Variants in TNFRSF19 observed in about 807,000 individuals in gnomAD.
TNFRSF19 encodes tumor necrosis factor receptor superfamily member 19.
Under a neutral mutation model 46.4 loss-of-function variants are expected in TNFRSF19, and 27 were observed. The observed-to-expected ratio is 0.58, with a 90% confidence interval of 0.43 to 0.80. TNFRSF19 has a LOEUF of 0.80. Among genes scored for constraint, TNFRSF19 ranks in the 30% least tolerant of loss-of-function variants. The probability of loss-of-function intolerance (pLI) is 0.00; values close to 1 mark genes in which losing one functional copy is unlikely to be tolerated. For synonymous variants in TNFRSF19, 204 were observed against 205.0 expected (o/e 1.00, Z 0.04); for missense variants, 511 against 530.8 (o/e 0.96, Z 0.37).
At chr13:23,647,006 C>A (rs1883370332) in intron 5 of TNFRSF19, among the ~76,000 whole-genome samples, 1 of 152,172 alleles carries the variant, frequency 6.6e-6, no homozygotes, top group South Asian at 2.1e-4. Context: ...GGTATCTCAT[C>A]ATGTCTGGAT....
At chr13:23,574,481 T>C (rs1877834101) in intron 1 of TNFRSF19, among the ~76,000 whole-genome samples, 1 of 152,034 alleles carries the variant, frequency 6.6e-6, no homozygotes, top group Non-Finnish European at 1.5e-5. Context: ...TTTCCTTTTA[T>C]ATATTTTGTA....
Position 23,580,604 on chromosome 13 carries a change from G to C in TNFRSF19, c.-34-9546G>C, listed in dbSNP as rs13378836. On this transcript the variant is annotated intron_variant, in intron 1 of 9. Coordinates refer to ENST00000248484, the MANE Select transcript of TNFRSF19 (RefSeq NM_148957.4). Reference sequence around the variant, plus strand: ...GCGTTTTTGCCAACACTGCTTTCATGTAGTCTTAAAAATTCCAGGCAGTGC... The same window carrying C: ...GCGTTTTTGCCAACACTGCTTTCATCTAGTCTTAAAAATTCCAGGCAGTGC... Among the ~76,000 whole-genome samples the C allele has an allele frequency of 7.4e-3, 1,134 of 152,348 alleles. 20 individuals carry two copies. Among genetic ancestry groups the C allele is most frequent in the African/African-American group, 0.025 (1,054 of 41,588 alleles).
At chr13:23,667,488 T>G (rs1378709522) in intron 7 of TNFRSF19, among the ~76,000 whole-genome samples, 1 of 152,248 alleles carries the variant, frequency 6.6e-6, no homozygotes, top group Admixed American at 6.5e-5. Flanking sequence ...CTGTCCTCAG[T>G]GGGGCCAAGA....
chr13:23,619,976 TTTATTC>T (rs1407535955), intron 4 of TNFRSF19, among the ~76,000 whole-genome samples: 1 of 152,342 alleles, frequency 6.6e-6, no homozygotes, highest in Admixed American at 6.5e-5. Context: ...ACAGTGTTTG[TTTATTC>T]TTTAGGTAAA....
chr13:23,625,323 A>ATT (rs1566193821), intron 4 of TNFRSF19, among the ~76,000 whole-genome samples: 2 of 97,170 alleles, frequency 2.1e-5, no homozygotes, highest in East Asian at 2.9e-4. Context: ...CTGTGATTGT[A>ATT]TTCTTTTTTT....
intron 1 of TNFRSF19, among the ~76,000 whole-genome samples, chr13:23,574,061 CAA>C (rs67057644): frequency 4.2e-5 from 4 of 95,386 alleles, no homozygotes; most frequent in African/African-American, 4.1e-5. Flanking sequence ...GACTCTGTCT[CAA>C]AAAAAAAAAA....
intron 7 of TNFRSF19, among the ~76,000 whole-genome samples, chr13:23,666,607 A>G (rs1951637637): frequency 6.6e-6 from 1 of 152,216 alleles, no homozygotes; most frequent in Non-Finnish European, 1.5e-5. Context: ...CTGCCACCAA[A>G]AGAAGTCCCA....
intron 5 of TNFRSF19, among the ~76,000 whole-genome samples, chr13:23,655,768 G>T (rs1883946347): frequency 6.8e-6 from 1 of 147,114 alleles, no homozygotes; most frequent in African/African-American, 2.6e-5. Context: ...GTTTTGTTTT[G>T]TTTTTGTTTT....
chr13:23,588,544 A>G (rs1030183465), intron 1 of TNFRSF19, among the ~76,000 whole-genome samples: 14 of 152,116 alleles, frequency 9.2e-5, no homozygotes, highest in African/African-American at 2.7e-4. Context: ...TCTTTGTCTC[A>G]TATTTTGTGT....
At chr13:23,650,681 C>G (rs1054734685) in intron 5 of TNFRSF19, among the ~76,000 whole-genome samples, 2 of 152,118 alleles carry the variant, frequency 1.3e-5, no homozygotes, top group Non-Finnish European at 2.9e-5. Context: ...GGTGGCATAA[C>G]ATTGTGAATG....
chr13:23,660,460 C>G lies in TNFRSF19; in HGVS notation c.706C>G (p.Gln236Glu). Residue 236 changes from glutamine (Q) to glutamate (E), a missense_variant, in exon 7 of 10, where the codon CAG (glutamine) becomes GAG (glutamate). Physicochemically the swap from Gln to Glu is conservative, Grantham distance 29. Transcript: ENST00000248484. ...CGAATATGCCCACAGAGCCTGCTGC[C>G]AGTGCCGCCGTGACTCAGTGCAGAC... ...LHEYAHRACC[Q>E]CRRDSVQTCG... The G allele has an allele frequency of 3.1e-6, 5 of 1,613,580 alleles. No individual in the cohort carries two copies. Among genetic ancestry groups the G allele is most frequent in the Non-Finnish European group, 4.2e-6 (5 of 1,180,010 alleles).
At chr13:23,579,081 G>C (rs1878175169) in intron 1 of TNFRSF19, among the ~76,000 whole-genome samples, 1 of 152,208 alleles carries the variant, frequency 6.6e-6, no homozygotes, top group Non-Finnish European at 1.5e-5. Flanking sequence ...CTCCCTCTCT[G>C]CTCTGAAGGA....
intron 1 of TNFRSF19, among the ~76,000 whole-genome samples, chr13:23,585,857 C>G (rs1379590282): frequency 6.6e-6 from 1 of 152,158 alleles, no homozygotes; most frequent in Admixed American, 6.5e-5. Context: ...ATCATTAGCT[C>G]TAGCTCATAT....
intron 3 of TNFRSF19, among the ~76,000 whole-genome samples, chr13:23,599,406 G>A (rs939561214): frequency 3.3e-5 from 5 of 152,162 alleles, no homozygotes; most frequent in African/African-American, 1.2e-4. Flanking sequence ...CAGCCCTCGA[G>A]AGATCCTGAC....
At position 23,643,294 on chromosome 13, in the gene TNFRSF19, T is replaced by C. The variant is rs192119306; in HGVS notation, c.446-15756T>C. Among the ~76,000 whole-genome samples the C allele has an allele frequency of 8.5e-5, 13 of 152,342 alleles. No individual in the cohort carries two copies. The East Asian group carries it at 1.3e-3, about 16-fold the overall frequency. Reference sequence around the variant, plus strand: ...CTTCTGTTTTATAAATTCAGCAACATGTTTTGATGAAAGCTCTTGTGAATG... The same window carrying C: ...CTTCTGTTTTATAAATTCAGCAACACGTTTTGATGAAAGCTCTTGTGAATG... On this transcript the variant is annotated intron_variant, in intron 5 of 9. Transcript: ENST00000248484.
chr13:23,588,926 C>T (rs1032760838), intron 1 of TNFRSF19, among the ~76,000 whole-genome samples: 4 of 152,232 alleles, frequency 2.6e-5, no homozygotes, highest in African/African-American at 9.6e-5. Context: ...AGGCAGTGGA[C>T]GTGGTTCATC....
At chr13:23,596,141 A>G (rs534740116) in intron 3 of TNFRSF19, among the ~76,000 whole-genome samples, 1 of 152,386 alleles carries the variant, frequency 6.6e-6, no homozygotes, top group African/African-American at 2.4e-5. Context: ...AACTGGTACC[A>G]GGCACTACAA....
chr13:23,664,822 G>A (rs1157320388), intron 7 of TNFRSF19, among the ~76,000 whole-genome samples: 3 of 152,188 alleles, frequency 2.0e-5, no homozygotes, highest in Non-Finnish European at 4.4e-5. Context: ...CTACAAACCT[G>A]TACGGCATGT....
intron 5 of TNFRSF19, among the ~76,000 whole-genome samples, chr13:23,652,646 A>T (rs1213281468): frequency 8.5e-5 from 13 of 152,210 alleles, no homozygotes; most frequent in Non-Finnish European, 1.5e-4. Context: ...GTGCATGCAA[A>T]CAAAACTGTT....
Sources: allele counts gnomAD v4.1 joint callset (sites outside exome capture counted in the v4.1 genomes callset), GRCh38; gene constraint gnomAD v4.1.1; transcripts MANE v1.5; gene names NCBI Gene and HGNC (gene_info 2026-07-23, HGNC 2026-07-21).